The following GRID1 variants were observed in gnomAD, a reference collection of about 807,000 sequenced individuals.
GRID1 encodes glutamate receptor ionotropic, delta-1.
A neutral mutation model predicts 98.0 loss-of-function variants in GRID1; 28 were observed. That is an observed-to-expected ratio of 0.29 (90% CI 0.21 to 0.39). GRID1 has a LOEUF of 0.39. Among genes scored for constraint, GRID1 ranks in the 10% least tolerant of loss-of-function variants. The pLI, the probability that GRID1 is intolerant of heterozygous loss-of-function variation, is 1.00. For missense variants in GRID1, 1,111 were observed against 1,340.5 expected, an observed-to-expected ratio of 0.83 and a Z score of 2.67; for synonymous variants, 553 against 538.5, an observed-to-expected ratio of 1.03 and a Z score of -0.37.
rs868335842 is a variant in GRID1 at position 85,727,927 on chromosome 10, G to A, written c.1461C>T (p.Ala487=). 1 of 1,613,892 alleles carries A rather than the reference G, an allele frequency of 6.2e-7. No individual in the cohort carries two copies. The highest frequency in any genetic ancestry group is 8.5e-7 in the Non-Finnish European group (1 of 1,179,874). ...ALGFKYEIYQ[A]PDGRYGHQLH... ...GCTGGTGACCGTACCTGCCATCAGG[G>A]GCTTGGTAAATCTCATATTTAAAGC... Residue 487 remains alanine, a synonymous_variant, in exon 10 of 16, where the codon GCC becomes GCT. Transcript: ENST00000327946.
At chr10:86,139,976 C>G (rs1844988140) in intron 3 of GRID1, among the ~76,000 whole-genome samples, 1 of 152,190 alleles carries the variant, frequency 6.6e-6, no homozygotes, top group Non-Finnish European at 1.5e-5. Flanking sequence ...TGCCCAGGAA[C>G]AGAGGCAGGC....
chr10:85,723,290 C>T (rs1841725045), intron 11 of GRID1, 149 bp from the exon 12 acceptor site: 1 of 701,440 alleles, frequency 1.4e-6, no homozygotes, highest in African/African-American at 1.8e-5. Context: ...GTCTGGGCAT[C>T]TGTGCCAATT....
At chr10:85,895,291 C>A (rs1201575013) in intron 5 of GRID1, among the ~76,000 whole-genome samples, 1 of 151,934 alleles carries the variant, frequency 6.6e-6, no homozygotes, top group African/African-American at 2.4e-5. Flanking sequence ...CTTTTTCCTA[C>A]CCCTTCTCAT....
chr10:86,305,056 A>G (rs1392726001), intron 2 of GRID1, among the ~76,000 whole-genome samples: 1 of 151,970 alleles, frequency 6.6e-6, no homozygotes, highest in Admixed American at 6.6e-5. Flanking sequence ...TTCTGAGTAA[A>G]GCAGATTACC....
Position 86,357,596 on chromosome 10 carries a change from G to C in GRID1, c.235+6345C>G, listed in dbSNP as rs1182173658. Among the ~76,000 whole-genome samples, 3 of 152,212 alleles carry C rather than the reference G, an allele frequency of 2.0e-5. No homozygotes were observed. In the East Asian group the frequency reaches 5.8e-4, roughly 29 times the overall value. On this transcript the variant is annotated intron_variant, in intron 2 of 15. Transcript: ENST00000327946. ...TATGTGCACGTGTGTGTGCTCTTGA[G>C]TACAGGTGGATGTGTGTGTGCCTGA...
At chr10:85,872,067 G>A (rs1843283452) in intron 5 of GRID1, among the ~76,000 whole-genome samples, 2 of 152,258 alleles carry the variant, frequency 1.3e-5, no homozygotes, top group South Asian at 2.1e-4. Flanking sequence ...TCAGGGAGGG[G>A]AGCAGAGGGC....
At chr10:85,705,513 G>A (rs1395544692) in intron 12 of GRID1, among the ~76,000 whole-genome samples, 1 of 152,126 alleles carries the variant, frequency 6.6e-6, no homozygotes, top group Admixed American at 6.5e-5. Context: ...ATTCACAGCC[G>A]AATTCTACCA....
chr10:86,289,697 C>G (rs189556650), intron 2 of GRID1, among the ~76,000 whole-genome samples: 69 of 152,330 alleles, frequency 4.5e-4, no homozygotes, highest in African/African-American at 1.6e-3. Flanking sequence ...TCCCTCTACT[C>G]CTAGTCCATG....
chr10:85,744,492 T>C (rs1192026939), intron 8 of GRID1, among the ~76,000 whole-genome samples: 1 of 148,476 alleles, frequency 6.7e-6, no homozygotes, highest in African/African-American at 2.5e-5. Flanking sequence ...ATTTAATAAA[T>C]GGTGCTGGGA....
intron 4 of GRID1, among the ~76,000 whole-genome samples, chr10:85,967,023 G>A (rs1238571708): frequency 6.6e-6 from 1 of 152,128 alleles, no homozygotes; most frequent in Non-Finnish European, 1.5e-5. Context: ...CTGTTCTCAT[G>A]GTAGTGAATA....
intron 6 of GRID1, among the ~76,000 whole-genome samples, chr10:85,859,948 T>A (rs1370068804): frequency 1.3e-5 from 2 of 152,174 alleles, no homozygotes; most frequent in Non-Finnish European, 2.9e-5. Context: ...CTCCAGAGCC[T>A]GATAAACATA....
chr10:86,236,650 C>T (rs958155240), intron 2 of GRID1, among the ~76,000 whole-genome samples: 1 of 152,212 alleles, frequency 6.6e-6, no homozygotes, highest in African/African-American at 2.4e-5. Context: ...CTTCACACAG[C>T]AAAGTGCAAT....
intron 4 of GRID1, among the ~76,000 whole-genome samples, chr10:86,106,273 T>C (rs948384493): frequency 8.5e-5 from 13 of 152,234 alleles, no homozygotes; most frequent in Non-Finnish European, 1.9e-4. Context: ...AGGTAGGGTA[T>C]GCAATAACAA....
intron 4 of GRID1, among the ~76,000 whole-genome samples, chr10:86,060,017 T>C (rs1351531887): frequency 2.0e-5 from 3 of 152,226 alleles, no homozygotes; most frequent in Non-Finnish European, 4.4e-5. Flanking sequence ...GAAGTGGAGA[T>C]TCTGTGCCCT....
intron 5 of GRID1, among the ~76,000 whole-genome samples, chr10:85,912,722 G>A (rs752435005): frequency 6.6e-6 from 1 of 152,204 alleles, no homozygotes; most frequent in Non-Finnish European, 1.5e-5. Flanking sequence ...CAAGAGGTGG[G>A]AAGACAAGGA....
chr10:86,273,981 C>T (rs1418348292), intron 2 of GRID1, among the ~76,000 whole-genome samples: 6 of 152,016 alleles, frequency 3.9e-5, no homozygotes, highest in African/African-American at 7.3e-5. Flanking sequence ...ACATGAAGTC[C>T]TTGCCCATGC....
At chr10:85,671,774 G>A (rs1841088468) in intron 12 of GRID1, among the ~76,000 whole-genome samples, 1 of 152,176 alleles carries the variant, frequency 6.6e-6, no homozygotes, top group Admixed American at 6.5e-5. Context: ...AAAAGTTCTT[G>A]AAGAAAACTA....
chr10:86,260,485 T>C lies in GRID1; in HGVS notation c.236-53837A>G, dbSNP rs149700501. On this transcript the variant is annotated intron_variant, in intron 2 of 15. Transcript: ENST00000327946. ...CTCTGTCTTCCTGGTTGGAGCTTCATCAATAATCCCTGGACTCTAATGGGA... is the reference window on the plus strand; with the variant it reads ...CTCTGTCTTCCTGGTTGGAGCTTCACCAATAATCCCTGGACTCTAATGGGA... Among the ~76,000 whole-genome samples, 205 of 152,296 alleles carry C rather than the reference T, an allele frequency of 1.3e-3. 2 individuals are homozygous for C. Among genetic ancestry groups the C allele is most frequent in the African/African-American group, 4.6e-3 (190 of 41,560 alleles).
In GRID1 at chr10:85,842,297, C is replaced by A. The variant is rs949866268; in HGVS notation, c.1233+12199G>T. The stretch of plus-strand genomic sequence containing the variant: ...GAACACATGGACACATAGATGGAAA[C>A]ACACACTGAGGCCTATTGGAGAGCA... On this transcript the variant is annotated intron_variant, in intron 8 of 15. Transcript: ENST00000327946. Among the ~76,000 whole-genome samples the A allele has an allele frequency of 3.9e-5, 6 of 152,038 alleles. No individual in the cohort carries two copies. The Middle Eastern group carries it at 0.014, about 345-fold the overall frequency.
Sources: gnomAD v4.1 joint callset for allele counts (sites outside exome capture counted in the v4.1 genomes callset) on GRCh38, gnomAD v4.1.1 for gene constraint, MANE v1.5 for transcripts, NCBI Gene and HGNC (gene_info 2026-07-23, HGNC 2026-07-21) for gene names.